NPR3: variants seen among roughly 807,000 people sequenced by gnomAD.
NPR3 encodes atrial natriuretic peptide receptor 3.
A neutral mutation model predicts 54.5 loss-of-function variants in NPR3; 34 were observed. That is an observed-to-expected ratio of 0.62 (90% CI 0.47 to 0.83). The LOEUF is 0.83. Among genes scored for constraint, NPR3 ranks in the 40% least tolerant of loss-of-function variants. The pLI is 0.00. For missense variants in NPR3, 674 were observed against 720.8 expected (o/e 0.94, Z 0.74); for synonymous variants, 289 against 297.1 (o/e 0.97, Z 0.28).
intron 1 of NPR3, among the ~76,000 whole-genome samples, chr5:32,704,206 A>T (rs1186461624): frequency 6.6e-6 from 1 of 152,062 alleles, no homozygotes; most frequent in Non-Finnish European, 1.5e-5. Context: ...TTCTCTCTCC[A>T]CACCACATGG....
chr5:32,704,502 A>C (rs937940891), upstream of NPR3, among the ~76,000 whole-genome samples: 2 of 152,016 alleles, frequency 1.3e-5, no homozygotes, highest in Non-Finnish European at 2.9e-5. Context: ...CTATTTTAGA[A>C]ATGAGAAAAT....
chr5:32,705,416 GC>G (rs1737961185), upstream of NPR3, among the ~76,000 whole-genome samples: 1 of 152,132 alleles, frequency 6.6e-6, no homozygotes, highest in Non-Finnish European at 1.5e-5. Context: ...GGTTTAATTG[GC>G]TCACAGTTCT....
chr5:32,722,659 A>T (rs1356516201), intron 1 of NPR3, among the ~76,000 whole-genome samples: 1 of 152,188 alleles, frequency 6.6e-6, no homozygotes, highest in African/African-American at 2.4e-5. Flanking sequence ...TCCTGGAGAC[A>T]TCCACTCTTG....
At chr5:32,716,282 C>A in intron 1 of NPR3, 1 of 359,624 alleles carries the variant, frequency 2.8e-6, no homozygotes, top group Non-Finnish European at 5.4e-6. Context: ...AAAAAGGTTC[C>A]TGTCTCCTAC....
At chr5:32,705,407 G>T (rs182061003), upstream of NPR3, among the ~76,000 whole-genome samples, 237 of 152,296 alleles carry the variant, frequency 1.6e-3, no homozygotes, top group African/African-American at 5.2e-3. Context: ...AAGAAAAGAG[G>T]TTTAATTGGC....
intron 3 of NPR3, among the ~76,000 whole-genome samples, chr5:32,752,303 G>T (rs924683315): frequency 3.3e-5 from 5 of 152,164 alleles, no homozygotes; most frequent in Non-Finnish European, 7.3e-5. Context: ...AGTATGGGAG[G>T]TGACGTTATT....
chr5:32,710,479 C>A, upstream of NPR3: 1 of 560,274 alleles, frequency 1.8e-6, no homozygotes, highest in African/African-American at 2.0e-5. Context: ...CCTTTGGGAG[C>A]AACAAGTTTC....
At chr5:32,786,157 G>A in intron 7 of NPR3, 77 bp from the exon 8 acceptor site, 1 of 660,010 alleles carries the variant, frequency 1.5e-6, no homozygotes, top group Non-Finnish European at 2.7e-6. Flanking sequence ...GATGTCCCTT[G>A]AGGGCACTCT....
At chr5:32,731,930 T>G (rs1023578735) in intron 2 of NPR3, among the ~76,000 whole-genome samples, 2 of 152,068 alleles carry the variant, frequency 1.3e-5, no homozygotes, top group Admixed American at 1.3e-4. Flanking sequence ...TTCCTGCTAC[T>G]CTCAATCTTA....
intron 3 of NPR3, among the ~76,000 whole-genome samples, chr5:32,744,969 A>G (rs1014383549): frequency 3.3e-5 from 5 of 152,080 alleles, no homozygotes; most frequent in African/African-American, 4.8e-5. Context: ...ACCTATTATT[A>G]TTATGGTTAT....
At chr5:32,767,289 T>C (rs1741523258) in intron 3 of NPR3, among the ~76,000 whole-genome samples, 1 of 152,246 alleles carries the variant, frequency 6.6e-6, no homozygotes, top group African/African-American at 2.4e-5. Context: ...CAACGTTTTC[T>C]TGAGTTTTGA....
At chr5:32,746,692 T>G (rs1046149270) in intron 3 of NPR3, among the ~76,000 whole-genome samples, 1 of 152,218 alleles carries the variant, frequency 6.6e-6, no homozygotes, top group Non-Finnish European at 1.5e-5. Flanking sequence ...AGACTTAAAT[T>G]TGTCCCTGCT....
intron 4 of NPR3, among the ~76,000 whole-genome samples, chr5:32,779,812 G>A (rs549616166): frequency 2.4e-4 from 37 of 152,274 alleles, no homozygotes; most frequent in African/African-American, 8.9e-4. Context: ...AATAGTGACA[G>A]TAATAACGAC....
chr5:32,761,670 T>C (rs1402021486), intron 3 of NPR3, among the ~76,000 whole-genome samples: 1 of 151,894 alleles, frequency 6.6e-6, no homozygotes, highest in African/African-American at 2.4e-5. Context: ...TTTTTTTTAA[T>C]ATAGCTTTCA....
Position 32,739,104 on chromosome 5 carries a change from G to A in NPR3, c.1059+74G>A, listed in dbSNP as rs1033564512. 1.4e-5 allele frequency: 21 copies of A among 1,466,940 alleles called. 1 individual carries two copies. The highest frequency in any genetic ancestry group is 4.2e-5 in the African/African-American group (3 of 71,634). 90.9% of individuals were successfully genotyped at this position (1,466,940 alleles called of 1,614,324 possible). ...TTCTAATTAAATCAGAGATGACAGAGTGTCCCATTCTGAGCCATTCAAAAA... is the reference window on the plus strand; with the variant it reads ...TTCTAATTAAATCAGAGATGACAGAATGTCCCATTCTGAGCCATTCAAAAA... On this transcript the variant is annotated intron_variant, in intron 3 of 7. Coordinates refer to ENST00000265074, the MANE Select transcript of NPR3 (RefSeq NM_001204375.2).
intron 1 of NPR3, among the ~76,000 whole-genome samples, chr5:32,696,645 C>A (rs1050635049): frequency 1.3e-5 from 2 of 152,068 alleles, no homozygotes; most frequent in Admixed American, 1.3e-4. Context: ...CATGGAATAT[C>A]TTTCCATTTG....
chr5:32,787,142 A>G lies in NPR3; in HGVS notation c.*797A>G, dbSNP rs1459597165. 6.6e-6 allele frequency: 1 copy of G among 152,626 alleles called. No homozygotes were observed. The highest frequency in any genetic ancestry group is 2.4e-5 in the African/African-American group (1 of 41,446). The allele number at this position is 152,626 out of a possible 1,614,324, so 9.5% of individuals were successfully genotyped here. ...ATTTTGAAGATTAAATGTTGCTTAC[A>G]TTTTAAAAGCATGGGTGAAGTGTAC... On this transcript the variant is annotated 3_prime_UTR_variant, in exon 8 of 8. Transcript: ENST00000265074.
chr5:32,739,112 T>C (rs1013389646), intron 3 of NPR3, 82 bp downstream of exon 3: 3 of 1,368,976 alleles, frequency 2.2e-6, no homozygotes, highest in African/African-American at 2.9e-5. Context: ...GAGTGTCCCA[T>C]TCTGAGCCAT....
chr5:32,710,699 C>T (rs749396325), upstream of NPR3: 90 of 1,546,242 alleles, frequency 5.8e-5, no homozygotes, highest in Middle Eastern at 3.5e-3. Flanking sequence ...GTCCTTGTTC[C>T]CTGACCTTGC....
Sources: allele counts gnomAD v4.1 joint callset (sites outside exome capture counted in the v4.1 genomes callset), GRCh38; gene constraint gnomAD v4.1.1; transcripts MANE v1.5; gene names NCBI Gene and HGNC (gene_info 2026-07-23, HGNC 2026-07-21).